Variants in KIF24 observed in about 807,000 individuals in gnomAD.
KIF24 encodes kinesin-like protein KIF24.
KIF24 carries 81 observed loss-of-function variants against 118.9 expected under a neutral mutation model. The ratio of observed to expected loss-of-function variants is 0.68; its 90% CI spans 0.57 to 0.82. The LOEUF is 0.82. Among genes scored for constraint, KIF24 ranks in the 40% least tolerant of loss-of-function variants. The pLI, the probability that KIF24 is intolerant of heterozygous loss-of-function variation, is 0.00. For missense variants in KIF24, 1,560 were observed against 1,661.6 expected (o/e 0.94, Z 1.06); for synonymous variants, 599 against 610.0 (o/e 0.98, Z 0.27).
At chr9:34,298,507 T>C (rs930359089) in intron 3 of KIF24, among the ~76,000 whole-genome samples, 20 of 150,630 alleles carry the variant, frequency 1.3e-4, no homozygotes, top group African/African-American at 4.6e-4. Context: ...GATCGCACCA[T>C]TGCACTCCAG....
chr9:34,317,595 A>C (rs1421092507), intron 1 of KIF24, among the ~76,000 whole-genome samples: 1 of 152,108 alleles, frequency 6.6e-6, no homozygotes, highest in African/African-American at 2.4e-5. Context: ...CACGATTAAA[A>C]TCTCTCACAA....
chr9:34,327,844 A>AT (rs1435565868), intron 1 of KIF24, among the ~76,000 whole-genome samples: 1 of 109,266 alleles, frequency 9.2e-6, no homozygotes, highest in Non-Finnish European at 2.2e-5. Context: ...CTAATAAAAA[A>AT]AAAATAATAA....
chr9:34,290,152 G>A (rs773190738), intron 5 of KIF24, 22 bp downstream of exon 5: 17 of 1,525,202 alleles, frequency 1.1e-5, no homozygotes, highest in African/African-American at 2.7e-5. Context: ...CAGATTTATC[G>A]CTTCCCACTC....
chr9:34,300,721 G>T (rs1836666394), intron 3 of KIF24, among the ~76,000 whole-genome samples: 1 of 151,806 alleles, frequency 6.6e-6, no homozygotes. Context: ...ACAGTTTCTA[G>T]GCAAGGAGAC....
At chr9:34,317,659 A>G (rs953391941) in intron 1 of KIF24, among the ~76,000 whole-genome samples, 1 of 152,156 alleles carries the variant, frequency 6.6e-6, no homozygotes, top group Admixed American at 6.5e-5. Context: ...GCCTATCCAC[A>G]CTGCATAAAC....
chr9:34,263,738 A>ATT (rs11422359), intron 8 of KIF24, among the ~76,000 whole-genome samples: 54,055 of 137,392 alleles, frequency 0.39, 11,471 homozygotes, highest in East Asian at 0.81. Context: ...TTTTTTCTTA[A>ATT]TTTTTTTTTT....
chr9:34,316,425 C>T (rs973957953), intron 1 of KIF24, among the ~76,000 whole-genome samples: 1 of 152,088 alleles, frequency 6.6e-6, no homozygotes, highest in African/African-American at 2.4e-5. Context: ...CTTATGTGGC[C>T]ATAGAGCCAT....
chr9:34,330,971 AG>A (rs11318602), upstream of KIF24, among the ~76,000 whole-genome samples: 3,997 of 152,182 alleles, frequency 0.026, 175 homozygotes, highest in African/African-American at 0.091. Context: ...AAAAAAAAAA[AG>A]GTAGCTATTA....
intron 4 of KIF24, among the ~76,000 whole-genome samples, chr9:34,290,790 G>A (rs776054342): frequency 6.6e-6 from 1 of 151,876 alleles, no homozygotes; most frequent in Non-Finnish European, 1.5e-5. Context: ...AGTAGAGATG[G>A]GGTTTCACCA....
chr9:34,330,836 C>T (rs536034558), upstream of KIF24, among the ~76,000 whole-genome samples: 1 of 151,832 alleles, frequency 6.6e-6, no homozygotes, highest in South Asian at 2.1e-4. Context: ...TGGCGGGCGC[C>T]TGTGGTCCCA....
intron 1 of KIF24, among the ~76,000 whole-genome samples, chr9:34,328,154 A>C (rs1438264233): frequency 2.0e-5 from 3 of 152,208 alleles, no homozygotes; most frequent in Non-Finnish European, 4.4e-5. Context: ...ACGCAATTCT[A>C]TCATAGACAC....
At chr9:34,308,011 C>T (rs537178376) in intron 2 of KIF24, among the ~76,000 whole-genome samples, 2 of 152,154 alleles carry the variant, frequency 1.3e-5, no homozygotes, top group Non-Finnish European at 2.9e-5. Context: ...TGCTCTATCA[C>T]CCAGACTGGA....
chr9:34,268,046 G>C (rs1027555137), intron 8 of KIF24, among the ~76,000 whole-genome samples: 1 of 152,146 alleles, frequency 6.6e-6, no homozygotes, highest in Non-Finnish European at 1.5e-5. Flanking sequence ...ACTATAAAAA[G>C]ACACTTATGG....
In KIF24 at chr9:34,253,418, T is replaced by C. The variant is rs1442041475; in HGVS notation, c.*962A>G. ...CAGCAGGCAGAACTTGGCTGAAGGT[T>C]TGTGTGTGAATTCTGTTTCAGAGGC... On this transcript the variant is annotated 3_prime_UTR_variant, in exon 13 of 13. Coordinates refer to ENST00000402558, the MANE Select transcript of KIF24 (RefSeq NM_194313.4). 6.6e-6 allele frequency: 1 copy of C among 152,206 alleles called. No homozygotes were observed. The highest frequency in any genetic ancestry group is 1.5e-5 in the Non-Finnish European group (1 of 68,056). The allele number at this position is 152,206 out of a possible 1,614,324, so 9.4% of individuals were successfully genotyped here.
chr9:34,260,684 G>A (rs1187013106), intron 9 of KIF24, among the ~76,000 whole-genome samples: 1 of 152,166 alleles, frequency 6.6e-6, no homozygotes, highest in African/African-American at 2.4e-5. Flanking sequence ...AAAAATAACA[G>A]AGCTGGCTGG....
chr9:34,295,819 C>A (rs1205594858), intron 4 of KIF24, among the ~76,000 whole-genome samples: 3 of 152,058 alleles, frequency 2.0e-5, no homozygotes, highest in African/African-American at 7.2e-5. Flanking sequence ...ATTACAGGTG[C>A]AAGCCACCAC....
rs1450896249 is a variant in KIF24, at chr9:34,262,677, TATA to T, written c.1515+421_1515+423del. On this transcript the variant is annotated intron_variant, in intron 9 of 12. Transcript: ENST00000402558. Reference sequence around the variant, plus strand: ...AAAAAAAAAAAAAAAAAAAAAAAAATATATATATATATATATATATATATATAT... The same window carrying T: ...AAAAAAAAAAAAAAAAAAAAAAAAATTATATATATATATATATATATATAT... 2.0e-4 allele frequency among the ~76,000 whole-genome samples: 3 copies of T among 15,270 alleles called. 1 individual carries two copies. The highest frequency in any genetic ancestry group is 1.2e-3 in the African/African-American group (3 of 2,592). The allele number at this position is 15,270 out of a possible 152,430, so 10.0% of individuals were successfully genotyped here.
intron 6 of KIF24, among the ~76,000 whole-genome samples, chr9:34,279,136 G>T (rs1220533250): frequency 6.6e-6 from 1 of 152,062 alleles, no homozygotes; most frequent in Admixed American, 6.6e-5. Context: ...TGGTGGTGCT[G>T]GGAAACATCA....
At chr9:34,262,615 T>C (rs1835098166) in intron 9 of KIF24, among the ~76,000 whole-genome samples, 1 of 110,000 alleles carries the variant, frequency 9.1e-6, no homozygotes, top group South Asian at 3.3e-4. Flanking sequence ...GAGGCCAGCC[T>C]AGGCAACATG....
Sources: allele counts gnomAD v4.1 joint callset (sites outside exome capture counted in the v4.1 genomes callset), GRCh38; gene constraint gnomAD v4.1.1; transcripts MANE v1.5; gene names NCBI Gene and HGNC (gene_info 2026-07-23, HGNC 2026-07-21).